PTPN4: variants seen among roughly 807,000 people sequenced by gnomAD.
PTPN4 encodes the protein protein tyrosine phosphatase non-receptor type 4.
In PTPN4, 49 loss-of-function variants were observed where a neutral mutation model predicts 135.5. The observed-to-expected ratio is 0.36, with a 90% CI of 0.29 to 0.46. The LOEUF (loss-of-function observed/expected upper bound fraction) is 0.46, where lower values mean the gene tolerates loss of function less well. PTPN4 is among the 20% of genes least tolerant of loss of function. PTPN4 has a pLI of 1.00. For missense variants in PTPN4, 860 were observed against 1,101.0 expected (o/e 0.78, Z 3.10); for synonymous variants, 333 against 369.9 (o/e 0.90, Z 1.14).
intron 3 of PTPN4, among the ~76,000 whole-genome samples, chr2:119,873,602 G>C (rs1185026260): frequency 6.6e-6 from 1 of 152,148 alleles, no homozygotes; most frequent in African/African-American, 2.4e-5. Flanking sequence ...GGTTTGAAAA[G>C]ATTAGAAACA....
intron 2 of PTPN4, among the ~76,000 whole-genome samples, chr2:119,832,777 A>G (rs942334372): frequency 3.3e-5 from 5 of 151,992 alleles, no homozygotes; most frequent in Admixed American, 2.6e-4. Context: ...CAGTTTGCTA[A>G]TATTTTATTT....
chr2:119,808,691 TAC>T (rs1383600141), intron 1 of PTPN4, among the ~76,000 whole-genome samples: 1 of 152,164 alleles, frequency 6.6e-6, no homozygotes, highest in African/African-American at 2.4e-5. Context: ...TCGTTGGGAT[TAC>T]AGTCATGAGC....
At chr2:119,895,908 C>T (rs1403803575) in intron 9 of PTPN4, among the ~76,000 whole-genome samples, 1 of 142,444 alleles carries the variant, frequency 7.0e-6, no homozygotes, top group African/African-American at 2.6e-5. Context: ...TAGAGCCAGA[C>T]TCTGTCTCAA....
At chr2:119,800,197 A>G (rs1405622778) in intron 1 of PTPN4, among the ~76,000 whole-genome samples, 2 of 152,100 alleles carry the variant, frequency 1.3e-5, no homozygotes, top group East Asian at 1.9e-4. Context: ...AGATATTTGA[A>G]TTGTATGTAT....
chr2:119,947,762 CCACACACA>C (rs3084728), intron 18 of PTPN4, among the ~76,000 whole-genome samples: 38 of 147,240 alleles, frequency 2.6e-4, no homozygotes, highest in African/African-American at 4.2e-4. Flanking sequence ...AACACCACTA[CCACACACA>C]CACACACACA....
intron 2 of PTPN4, among the ~76,000 whole-genome samples, chr2:119,832,528 C>T (rs1677234197): frequency 6.6e-6 from 1 of 151,914 alleles, no homozygotes; most frequent in South Asian, 2.1e-4. Context: ...CACATAATTT[C>T]TTCTAGAAAT....
At chr2:119,881,675 A>G (rs1454975845) in intron 5 of PTPN4, 111 bp from the exon 6 acceptor site, 2 of 717,574 alleles carry the variant, frequency 2.8e-6, no homozygotes, top group Non-Finnish European at 4.3e-6. Flanking sequence ...TGTAAATTAT[A>G]AAAGCAAATA....
chr2:119,904,132 A>G (rs1378352999), intron 10 of PTPN4, among the ~76,000 whole-genome samples: 8 of 152,228 alleles, frequency 5.3e-5, no homozygotes, highest in African/African-American at 1.9e-4. Context: ...AATGATATTA[A>G]AGAAATGCAA....
chr2:119,955,089 T>C (rs1335895464), intron 19 of PTPN4, 68 bp from the exon 20 acceptor site: 1 of 1,368,762 alleles, frequency 7.3e-7, no homozygotes, highest in Non-Finnish European at 1.0e-6. Flanking sequence ...GTGTATCTGG[T>C]AAATTCCTAT....
intron 3 of PTPN4, 58 bp from the exon 4 acceptor site, chr2:119,877,265 A>G (rs1451351828): frequency 6.4e-7 from 1 of 1,553,188 alleles, no homozygotes; most frequent in African/African-American, 1.4e-5. Flanking sequence ...ATTTGCAAGA[A>G]TCAATATAGT....
At chr2:119,861,969 C>T (rs1056573747) in intron 2 of PTPN4, among the ~76,000 whole-genome samples, 8 of 143,134 alleles carry the variant, frequency 5.6e-5, no homozygotes, top group Admixed American at 2.1e-4. Context: ...TTACCATCTT[C>T]GTTCCCCTTT....
chr2:119,932,196 C>A, intron 13 of PTPN4: 1 of 274,200 alleles, frequency 3.6e-6, no homozygotes. Flanking sequence ...TTCTTATTGT[C>A]TATCTTACTC....
chr2:119,795,169 C>T (rs1456681111), intron 1 of PTPN4, among the ~76,000 whole-genome samples: 1 of 152,140 alleles, frequency 6.6e-6, no homozygotes, highest in Non-Finnish European at 1.5e-5. Flanking sequence ...TTATGGGCCT[C>T]AGAGGGAAGT....
At chr2:119,782,110 T>C (rs1172327976) in intron 1 of PTPN4, among the ~76,000 whole-genome samples, 1 of 152,100 alleles carries the variant, frequency 6.6e-6, no homozygotes, top group Non-Finnish European at 1.5e-5. Context: ...AATGTAGCCA[T>C]TTAAATTAAA....
At chr2:119,882,808 C>G (rs1011048135) in intron 8 of PTPN4, among the ~76,000 whole-genome samples, 185 bp downstream of exon 8, 2 of 152,004 alleles carry the variant, frequency 1.3e-5, no homozygotes, top group Non-Finnish European at 2.9e-5. Context: ...ATATGAAGCT[C>G]ATTTTCATTT....
chr2:119,778,382 T>C (rs1219890319), intron 1 of PTPN4, among the ~76,000 whole-genome samples: 1 of 152,216 alleles, frequency 6.6e-6, no homozygotes, highest in Non-Finnish European at 1.5e-5. Context: ...TTTCACTGAA[T>C]TATTTAGTTT....
At chr2:119,771,785 G>C (rs1690740015) in intron 1 of PTPN4, among the ~76,000 whole-genome samples, 1 of 152,062 alleles carries the variant, frequency 6.6e-6, no homozygotes, top group Non-Finnish European at 1.5e-5. Context: ...GAAATTATTT[G>C]GGATGATTTA....
chr2:119,777,156 G>A (rs1056261642), intron 1 of PTPN4, among the ~76,000 whole-genome samples: 1 of 152,076 alleles, frequency 6.6e-6, no homozygotes, highest in Non-Finnish European at 1.5e-5. Flanking sequence ...CCTCCTTTTT[G>A]TTCCTGGCAC....
At chr2:119,780,789 T>C (rs1690923773) in intron 1 of PTPN4, among the ~76,000 whole-genome samples, 1 of 152,200 alleles carries the variant, frequency 6.6e-6, no homozygotes, top group Non-Finnish European at 1.5e-5. Context: ...CCCTTTGTAA[T>C]TAATAAGTAA....
Sources: gnomAD v4.1 joint callset for allele counts (sites outside exome capture counted in the v4.1 genomes callset) on GRCh38, gnomAD v4.1.1 for gene constraint, MANE v1.5 for transcripts, NCBI Gene and HGNC (gene_info 2026-07-23, HGNC 2026-07-21) for gene names.